The following TTC28 variants were observed in gnomAD, a reference collection of about 807,000 sequenced individuals.
TTC28 encodes the protein tetratricopeptide repeat protein 28.
TTC28 carries 61 observed loss-of-function variants against 198.0 expected under a neutral mutation model. The observed-to-expected ratio is 0.31, with a 90% CI of 0.25 to 0.38. The LOEUF (loss-of-function observed/expected upper bound fraction) is 0.38. Among genes scored for constraint, TTC28 ranks in the 10% least tolerant of loss-of-function variants. TTC28 has a pLI of 1.00. For synonymous variants in TTC28, 1,171 were observed against 1,297.8 expected (o/e 0.90, Z 2.10); for missense variants, 2,678 against 3,164.0 (o/e 0.85, Z 3.69).
At chr22:28,651,062 T>C (rs1274736226) in intron 1 of TTC28, among the ~76,000 whole-genome samples, 5 of 152,228 alleles carry the variant, frequency 3.3e-5, no homozygotes, top group Non-Finnish European at 7.3e-5. Flanking sequence ...AGCTGCAACA[T>C]AGACCATATA....
intron 2 of TTC28, among the ~76,000 whole-genome samples, chr22:28,358,088 A>G (rs1027679310): frequency 3.3e-5 from 5 of 152,220 alleles, no homozygotes; most frequent in African/African-American, 1.2e-4. Flanking sequence ...TCATGTTAAC[A>G]TAAAGTACCT....
chr22:28,561,372 G>A (rs544420494), intron 2 of TTC28, among the ~76,000 whole-genome samples: 11 of 152,204 alleles, frequency 7.2e-5, no homozygotes, highest in Admixed American at 5.9e-4. Context: ...CACCACGCCC[G>A]GCCATCTCCT....
intron 2 of TTC28, among the ~76,000 whole-genome samples, chr22:28,429,647 T>C (rs187339185): frequency 6.6e-6 from 1 of 152,314 alleles, no homozygotes; most frequent in African/African-American, 2.4e-5. Flanking sequence ...TTCCAATTAA[T>C]TGTATTATAC....
rs116358992 is a variant in TTC28 at position 28,028,328 on chromosome 22, T to C, written c.4073+1898A>G. Among the ~76,000 whole-genome samples, 1,455 of 152,302 alleles carry C rather than the reference T, an allele frequency of 9.6e-3. 26 individuals carry two copies. Among genetic ancestry groups the C allele is most frequent in the African/African-American group, 0.033 (1,355 of 41,552 alleles). Reference sequence around the variant, plus strand: ...GGGGGCGGAGATTGTGTTGTATAAGTGAACCAACAAATTAATCTACAGCAT... The same window carrying C: ...GGGGGCGGAGATTGTGTTGTATAAGCGAACCAACAAATTAATCTACAGCAT... On this transcript the variant is annotated intron_variant, in intron 13 of 22. Transcript: ENST00000397906.
In TTC28 at chr22:28,674,267, T is replaced by G. The variant is rs866886393; in HGVS notation, c.102+5355A>C. On this transcript the variant is annotated intron_variant, in intron 1 of 22. Coordinates refer to ENST00000397906, the MANE Select transcript of TTC28 (RefSeq NM_001145418.2). Reference sequence around the variant, plus strand: ...CTGTTTGTGGTTTTTTCTTTGTGGTTTTTTTTTTTTTTTTTTTTGGTCTGT... The same window carrying G: ...CTGTTTGTGGTTTTTTCTTTGTGGTGTTTTTTTTTTTTTTTTTTGGTCTGT... Among the ~76,000 whole-genome samples the G allele has an allele frequency of 3.3e-3, 466 of 142,652 alleles. 3 individuals carry two copies. Among genetic ancestry groups the G allele is most frequent in the Middle Eastern group, 0.011 (3 of 274 alleles). 93.6% of individuals were successfully genotyped at this position (142,652 alleles called of 152,430 possible).
At chr22:28,079,543 T>C (rs74277563) in intron 12 of TTC28, among the ~76,000 whole-genome samples, 10,444 of 152,226 alleles carry the variant, frequency 0.069, 656 homozygotes, top group East Asian at 0.25. Context: ...ACCACCATTC[T>C]AGTTCCTGTT....
At position 28,005,505 on chromosome 22, in the gene TTC28, G is replaced by A. The variant is rs1006476972; in HGVS notation, c.4219-3952C>T. 2.0e-5 allele frequency among the ~76,000 whole-genome samples: 3 copies of A among 152,288 alleles called. 1 individual carries two copies. The highest frequency in any genetic ancestry group is 6.8e-3 in the Middle Eastern group (2 of 294). On this transcript the variant is annotated intron_variant, in intron 14 of 22. Transcript: ENST00000397906. The surrounding 1 kb of genome is among the most constrained non-coding windows in gnomAD (Gnocchi z 4.9). Reference sequence around the variant, plus strand: ...GCATTCCTTTGGCTGTTTCTCCCACGATATGCAGGGTGCTGAGCTGTGTCA... The same window carrying A: ...GCATTCCTTTGGCTGTTTCTCCCACAATATGCAGGGTGCTGAGCTGTGTCA...
intron 6 of TTC28, among the ~76,000 whole-genome samples, chr22:28,157,696 G>C (rs1306986070): frequency 6.6e-6 from 1 of 152,078 alleles, no homozygotes; most frequent in Non-Finnish European, 1.5e-5. Context: ...TGCTGAAAAA[G>C]CATTTGATAA....
chr22:28,607,372 T>C (rs1158394660), intron 2 of TTC28, among the ~76,000 whole-genome samples: 2 of 152,292 alleles, frequency 1.3e-5, no homozygotes, highest in East Asian at 1.9e-4. Context: ...TTCTCTCCCA[T>C]AGTTAGAATA....
At chr22:28,525,622 T>A (rs2048991174) in intron 2 of TTC28, among the ~76,000 whole-genome samples, 1 of 152,222 alleles carries the variant, frequency 6.6e-6, no homozygotes, top group Non-Finnish European at 1.5e-5. Flanking sequence ...TTTGTTTAAA[T>A]AGCCTGGTTA....
intron 2 of TTC28, among the ~76,000 whole-genome samples, chr22:28,420,768 T>C (rs1415008145): frequency 6.6e-6 from 1 of 151,886 alleles, no homozygotes; most frequent in Admixed American, 6.6e-5. Flanking sequence ...CCCAGCTAAT[T>C]TTTGTATTTT....
At chr22:28,406,869 T>G (rs1351417440) in intron 2 of TTC28, among the ~76,000 whole-genome samples, 2 of 152,184 alleles carry the variant, frequency 1.3e-5, no homozygotes, top group African/African-American at 4.8e-5. Context: ...TATTGTTAAT[T>G]CATGGAAAAG....
intron 2 of TTC28, among the ~76,000 whole-genome samples, chr22:28,411,317 A>T (rs1215148733): frequency 6.6e-6 from 1 of 152,186 alleles, no homozygotes. Flanking sequence ...GCAACTACAG[A>T]GTTGTTCAAC....
intron 2 of TTC28, among the ~76,000 whole-genome samples, chr22:28,552,894 C>A (rs1321249562): frequency 6.6e-6 from 1 of 151,950 alleles, no homozygotes; most frequent in African/African-American, 2.4e-5. Flanking sequence ...CTGCCTGATT[C>A]CCCTGCCTCA....
intron 2 of TTC28, among the ~76,000 whole-genome samples, chr22:28,326,116 G>A (rs1045884061): frequency 3.9e-5 from 6 of 152,112 alleles, no homozygotes; most frequent in African/African-American, 1.2e-4. Flanking sequence ...TAGACATGCT[G>A]TGATACATCC....
intron 2 of TTC28, among the ~76,000 whole-genome samples, chr22:28,319,173 GT>G (rs1271198002): frequency 2.0e-5 from 3 of 151,980 alleles, no homozygotes; most frequent in Non-Finnish European, 2.9e-5. Flanking sequence ...TTATGCAAGT[GT>G]TTTTTGGGCG....
chr22:28,271,018 G>C (rs931789155), intron 5 of TTC28, among the ~76,000 whole-genome samples: 1 of 152,054 alleles, frequency 6.6e-6, no homozygotes, highest in Non-Finnish European at 1.5e-5. Flanking sequence ...TTTTATAAAA[G>C]AAGCTATCAA....
chr22:27,996,375 G>A (rs1187846116), intron 16 of TTC28, 116 bp from the exon 17 acceptor site: 3 of 1,428,380 alleles, frequency 2.1e-6, no homozygotes, highest in Non-Finnish European at 2.8e-6. Flanking sequence ...GCAGGGCCTG[G>A]CAGGGGAGCA....
intron 12 of TTC28, among the ~76,000 whole-genome samples, chr22:28,075,104 A>AT (rs1182064080): frequency 2.6e-5 from 4 of 151,776 alleles, no homozygotes; most frequent in Admixed American, 6.6e-5. Context: ...TAAATAAATA[A>AT]ATAATAAAAT....
Sources: allele counts gnomAD v4.1 joint callset (sites outside exome capture counted in the v4.1 genomes callset), GRCh38; gene constraint gnomAD v4.1.1; non-coding constraint Gnocchi (gnomAD v3.1); transcripts MANE v1.5; gene names NCBI Gene and HGNC (gene_info 2026-07-23, HGNC 2026-07-21).